Variants in ZNF804B observed in about 807,000 individuals in gnomAD.
The protein encoded by ZNF804B is zinc finger protein 804B.
A neutral mutation model predicts 101.4 loss-of-function variants in ZNF804B; 80 were observed. The observed-to-expected ratio is 0.79, with a 90% CI of 0.66 to 0.95. The LOEUF (loss-of-function observed/expected upper bound fraction) is 0.95, where lower values mean the gene tolerates loss of function less well. ZNF804B is among the 40% of genes least tolerant of loss of function. ZNF804B has a pLI of 0.00. For missense variants in ZNF804B, 1,673 were observed against 1,561.9 expected, an observed-to-expected ratio of 1.07 and a Z score of -1.20; for synonymous variants, 622 against 558.8, an observed-to-expected ratio of 1.11 and a Z score of -1.59.
intron 1 of ZNF804B, among the ~76,000 whole-genome samples, chr7:88,789,190 T>G (rs1350363170): frequency 6.6e-6 from 1 of 152,074 alleles, no homozygotes; most frequent in Non-Finnish European, 1.5e-5. Context: ...GAACTAGTTT[T>G]TTTGTATAGC....
At chr7:89,326,138 A>G (rs1790892333) in intron 2 of ZNF804B, among the ~76,000 whole-genome samples, 1 of 151,886 alleles carries the variant, frequency 6.6e-6, no homozygotes, top group South Asian at 2.1e-4. Context: ...GAAATTTTCT[A>G]TTTTTAGAAG....
chr7:88,933,606 C>T (rs1792922903), intron 1 of ZNF804B, among the ~76,000 whole-genome samples: 2 of 151,876 alleles, frequency 1.3e-5, no homozygotes, highest in Admixed American at 6.6e-5. Flanking sequence ...ACAAAATCAA[C>T]GTACGTGAAT....
At chr7:89,105,828 A>G (rs1473623333) in intron 1 of ZNF804B, among the ~76,000 whole-genome samples, 1 of 152,108 alleles carries the variant, frequency 6.6e-6, no homozygotes, top group Non-Finnish European at 1.5e-5. Flanking sequence ...CTTCTAACCA[A>G]CCAGCTTCAT....
chr7:88,833,047 A>T (rs556073554), intron 1 of ZNF804B, among the ~76,000 whole-genome samples: 3 of 151,950 alleles, frequency 2.0e-5, no homozygotes, highest in African/African-American at 7.2e-5. Flanking sequence ...GATTGTTTTT[A>T]TTGAATGCTT....
At chr7:88,916,750 G>A (rs187226050) in intron 1 of ZNF804B, among the ~76,000 whole-genome samples, 1 of 152,112 alleles carries the variant, frequency 6.6e-6, no homozygotes, top group East Asian at 1.9e-4. Flanking sequence ...ATTATGAAAT[G>A]GAATACTGTA....
At position 89,331,135 on chromosome 7, in the gene ZNF804B, G is replaced by A. The variant is rs939438760; in HGVS notation, c.381-2228G>A. The stretch of plus-strand genomic sequence containing the variant: ...AACTGTGTTTCATACAGGTGATAAT[G>A]TCAGATCGATTGAAGCTTCTGGAGA... On this transcript the variant is annotated intron_variant, in intron 3 of 3. Transcript: ENST00000333190. 2.6e-5 allele frequency among the ~76,000 whole-genome samples: 4 copies of A among 151,648 alleles called. No homozygotes were observed. The Admixed American group carries it at 2.6e-4, about 10-fold the overall frequency.
At chr7:89,065,997 C>A (rs1789450273) in intron 1 of ZNF804B, among the ~76,000 whole-genome samples, 1 of 152,048 alleles carries the variant, frequency 6.6e-6, no homozygotes, top group South Asian at 2.1e-4. Flanking sequence ...CTTGGGGAAC[C>A]ATTATTCTGC....
chr7:88,820,730 A>G (rs1173757403), intron 1 of ZNF804B, among the ~76,000 whole-genome samples: 1 of 152,100 alleles, frequency 6.6e-6, no homozygotes, highest in African/African-American at 2.4e-5. Context: ...ACTGCCTGCA[A>G]TTGAATGAGG....
intron 1 of ZNF804B, among the ~76,000 whole-genome samples, chr7:88,927,918 C>T (rs1397617740): frequency 6.6e-6 from 1 of 151,994 alleles, no homozygotes; most frequent in East Asian, 1.9e-4. Context: ...TGTGGACCAG[C>T]CTTCTAGGAG....
At chr7:89,147,050 G>C (rs897548315) in intron 1 of ZNF804B, among the ~76,000 whole-genome samples, 10 of 148,290 alleles carry the variant, frequency 6.7e-5, no homozygotes, top group Non-Finnish European at 1.2e-4. Flanking sequence ...AAACCCCAGA[G>C]TGAGACCTTG....
chr7:89,301,106 T>G (rs1198162821), intron 2 of ZNF804B, among the ~76,000 whole-genome samples: 2 of 149,040 alleles, frequency 1.3e-5, no homozygotes, highest in Admixed American at 1.3e-4. Context: ...CGTGTTTTTT[T>G]TTTTTTTTTT....
chr7:88,887,216 G>C (rs1004918670), intron 1 of ZNF804B, among the ~76,000 whole-genome samples: 2 of 52,024 alleles, frequency 3.8e-5, no homozygotes, highest in Non-Finnish European at 6.3e-5. Flanking sequence ...TGTGATGTTT[G>C]TTGGCCATTT....
intron 1 of ZNF804B, among the ~76,000 whole-genome samples, chr7:89,204,776 T>G (rs544436414): frequency 4.6e-5 from 7 of 152,338 alleles, no homozygotes; most frequent in Admixed American, 3.9e-4. Flanking sequence ...GTTGAATACT[T>G]TTATTTTTAG....
chr7:89,095,995 T>TA (rs916645884), intron 1 of ZNF804B, among the ~76,000 whole-genome samples: 16 of 147,408 alleles, frequency 1.1e-4, no homozygotes, highest in South Asian at 2.2e-4. Flanking sequence ...ACTAAAAATA[T>TA]AAAAAAAAAA....
intron 1 of ZNF804B, among the ~76,000 whole-genome samples, chr7:89,020,017 C>T (rs1189931965): frequency 6.6e-6 from 1 of 151,980 alleles, no homozygotes; most frequent in Non-Finnish European, 1.5e-5. Context: ...TTCATATTTT[C>T]TCTCTTATTG....
intron 1 of ZNF804B, among the ~76,000 whole-genome samples, chr7:88,798,570 A>T (rs534725259): frequency 6.6e-6 from 1 of 151,992 alleles, no homozygotes; most frequent in South Asian, 2.1e-4. Context: ...TTTTCAAATT[A>T]TTTTTTTGCT....
chr7:89,043,795 A>G (rs1010777283), intron 1 of ZNF804B, among the ~76,000 whole-genome samples: 3 of 152,184 alleles, frequency 2.0e-5, no homozygotes, highest in African/African-American at 7.2e-5. Context: ...TAAGAACAGT[A>G]AAGATTGTTG....
intron 2 of ZNF804B, among the ~76,000 whole-genome samples, chr7:89,277,635 T>A (rs899427360): frequency 6.6e-6 from 1 of 151,282 alleles, no homozygotes; most frequent in African/African-American, 2.4e-5. Context: ...TTACTGAGAA[T>A]GATGATTTCC....
intron 1 of ZNF804B, among the ~76,000 whole-genome samples, chr7:89,196,785 AC>A (rs932139216): frequency 2.6e-5 from 4 of 152,074 alleles, no homozygotes; most frequent in African/African-American, 7.2e-5. Context: ...CAGGAAAAAA[AC>A]CCTATTAAAA....
Sources: allele counts gnomAD v4.1 joint callset (sites outside exome capture counted in the v4.1 genomes callset), GRCh38; gene constraint gnomAD v4.1.1; transcripts MANE v1.5; gene names NCBI Gene and HGNC (gene_info 2026-07-23, HGNC 2026-07-21).